NPHP4: variants seen among roughly 807,000 people sequenced by gnomAD.
NPHP4 encodes nephrocystin-4.
In NPHP4, 151 loss-of-function variants were observed where a neutral mutation model predicts 155.8. That is an observed-to-expected ratio of 0.97 (90% CI 0.85 to 1.11). The LOEUF (loss-of-function observed/expected upper bound fraction) is 1.11. Among genes scored for constraint, NPHP4 ranks in the 50% least tolerant of loss-of-function variants. The pLI is 0.00. For synonymous variants in NPHP4, 845 were observed against 816.8 expected (o/e 1.03, Z -0.59); for missense variants, 1,956 against 1,925.7 (o/e 1.02, Z -0.29).
At position 5,963,395 on chromosome 1, in the gene NPHP4, T is replaced by TA. The variant is rs1221773303; in HGVS notation, c.518-1447dup. On this transcript the variant is annotated intron_variant, in intron 5 of 29. Coordinates refer to ENST00000378156, the MANE Select transcript of NPHP4 (RefSeq NM_015102.5). ...GGGTGACGGAGATTCCATCTCAAAATAAAAAAAAAAAGAAATTGGTGAAAC... is the reference window on the plus strand; with the variant it reads ...GGGTGACGGAGATTCCATCTCAAAATAAAAAAAAAAAAGAAATTGGTGAAAC... Among the ~76,000 whole-genome samples the TA allele has an allele frequency of 3.6e-3, 514 of 142,402 alleles. 3 individuals carry two copies. Among genetic ancestry groups the TA allele is most frequent in the African/African-American group, 0.012 (466 of 38,966 alleles). The allele number at this position is 142,402 out of a possible 152,430, so 93.4% of individuals were successfully genotyped here.
chr1:5,912,543 A>G (rs1472604302), intron 11 of NPHP4, among the ~76,000 whole-genome samples: 1 of 119,096 alleles, frequency 8.4e-6, no homozygotes, highest in Non-Finnish European at 1.7e-5. Context: ...GTCTCAAAAA[A>G]AAAAAAAAAA....
chr1:5,877,413 G>T, intron 19 of NPHP4, 115 bp from the exon 20 acceptor site: 1 of 726,350 alleles, frequency 1.4e-6, no homozygotes, highest in Non-Finnish European at 2.2e-6. Flanking sequence ...CAAGAGTGCG[G>T]CTCATGCTTT....
At chr1:5,899,661 C>T (rs1644574453) in intron 16 of NPHP4, among the ~76,000 whole-genome samples, 1 of 152,148 alleles carries the variant, frequency 6.6e-6, no homozygotes, top group African/African-American at 2.4e-5. Context: ...CTATACAACT[C>T]CTAGGAGACG....
chr1:5,914,817 G>A (rs1411134760), intron 11 of NPHP4, among the ~76,000 whole-genome samples: 1 of 152,196 alleles, frequency 6.6e-6, no homozygotes, highest in African/African-American at 2.4e-5. Context: ...CATGCATGGA[G>A]GCCAACGTGT....
rs1646968679 is a variant in NPHP4, at chr1:5,944,234, C to T, written c.1119+2870G>A. Among the ~76,000 whole-genome samples the T allele has an allele frequency of 1.3e-5, 2 of 152,204 alleles. No homozygotes were observed. Among genetic ancestry groups the T allele is most frequent in the South Asian group, 2.1e-4 (1 of 4,832 alleles). On this transcript the variant is annotated intron_variant, in intron 9 of 29. Coordinates refer to ENST00000378156, the MANE Select transcript of NPHP4 (RefSeq NM_015102.5). The surrounding 1 kb of genome is among the most constrained non-coding windows in gnomAD (Gnocchi z 4.3). ...TGTTTTCAGCTGTGCTTACAGCTTC[C>T]ACCACGCAGGGTCCTCACCAAAGAC...
At position 5,944,415 on chromosome 1, in the gene NPHP4, C is replaced by A. The variant is rs187790908; in HGVS notation, c.1119+2689G>T. On this transcript the variant is annotated intron_variant, in intron 9 of 29. Transcript: ENST00000378156. The surrounding 1 kb of genome is among the most constrained non-coding windows in gnomAD (Gnocchi z 4.3). ...CCCGCCCTGGGCCTTCCAAGGAGCG[C>A]GCTGGGCTCCTCTACCACAGCCACC... Among the ~76,000 whole-genome samples, 1 of 152,220 alleles carries A rather than the reference C, an allele frequency of 6.6e-6. No individual in the cohort carries two copies. Among genetic ancestry groups the A allele is most frequent in the Non-Finnish European group, 1.5e-5 (1 of 68,036 alleles).
intron 17 of NPHP4, chr1:5,888,521 C>A: frequency 7.6e-7 from 1 of 1,314,852 alleles, no homozygotes; most frequent in South Asian, 1.2e-5. Context: ...CGCTTTGCCA[C>A]ACTCGTCTAC....
rs773690537 is a variant in NPHP4 at position 5,868,022 on chromosome 1, G to A, written c.3316-126C>T. 25 of 1,014,690 alleles carry A rather than the reference G, an allele frequency of 2.5e-5. 1 individual carries two copies. The highest frequency in any genetic ancestry group is 1.3e-4 in the African/African-American group (8 of 63,112). 62.9% of individuals were successfully genotyped at this position (1,014,690 alleles called of 1,614,324 possible). ...CCCCTCACCCTCCACTGCCATGAGC[G>A]GGGAAGGTCGGGCATCGTCAAAGGC... is the stretch of plus-strand genomic sequence containing the variant. On this transcript the variant is annotated intron_variant, in intron 23 of 29. Coordinates refer to ENST00000378156, the MANE Select transcript of NPHP4 (RefSeq NM_015102.5).
chr1:5,938,896 T>C (rs1163650786), intron 9 of NPHP4, among the ~76,000 whole-genome samples: 1 of 152,252 alleles, frequency 6.6e-6, no homozygotes, highest in Non-Finnish European at 1.5e-5. Context: ...GAGAACGATG[T>C]TAACACCACG....
chr1:5,919,319 C>A (rs1182044932), intron 11 of NPHP4, among the ~76,000 whole-genome samples: 3 of 152,136 alleles, frequency 2.0e-5, no homozygotes, highest in African/African-American at 7.2e-5. Context: ...TTTTTTTGAA[C>A]AGTTTTTTAG....
At chr1:5,924,239 G>T (rs1435227193) in intron 11 of NPHP4, among the ~76,000 whole-genome samples, 1 of 152,178 alleles carries the variant, frequency 6.6e-6, no homozygotes, top group Non-Finnish European at 1.5e-5. Context: ...TCAGCGAGCT[G>T]TGAGGCAATT....
chr1:5,978,087 A>G (rs971944952), intron 3 of NPHP4, among the ~76,000 whole-genome samples, 183 bp downstream of exon 3: 1 of 151,724 alleles, frequency 6.6e-6, no homozygotes, highest in Non-Finnish European at 1.5e-5. Flanking sequence ...TGGCTTCCAC[A>G]TAAGATTTTG....
At chr1:5,918,754 AT>A in intron 11 of NPHP4, among the ~76,000 whole-genome samples, 1 of 152,184 alleles carries the variant, frequency 6.6e-6, no homozygotes, top group Admixed American at 6.5e-5. Flanking sequence ...GAAATTGGCC[AT>A]TTTTTTTAGA....
At chr1:5,930,733 G>A (rs1557762135) in intron 10 of NPHP4, among the ~76,000 whole-genome samples, 2 of 152,186 alleles carry the variant, frequency 1.3e-5, no homozygotes, top group South Asian at 2.1e-4. Flanking sequence ...TGTAAACAAC[G>A]TGTATCCTGC....
In NPHP4 at chr1:5,887,919, C is replaced by T. The variant is rs565212346; in HGVS notation, c.2305-453G>A. ...GACTCCAGGAGGAAGACAGGCCATG[C>T]ACAGAGAGGGCAGGGGAGGCAGAGA... is the stretch of plus-strand genomic sequence containing the variant. On this transcript the variant is annotated intron_variant, in intron 17 of 29. Transcript: ENST00000378156. Among the ~76,000 whole-genome samples, 9 of 152,318 alleles carry T rather than the reference C, an allele frequency of 5.9e-5. No homozygotes were observed. The East Asian group carries it at 1.5e-3, about 26-fold the overall frequency.
At chr1:5,880,340 A>T (rs1185290957) in intron 18 of NPHP4, 101 bp from the exon 19 acceptor site, 2 of 1,223,504 alleles carry the variant, frequency 1.6e-6, no homozygotes, top group Non-Finnish European at 2.3e-6. Flanking sequence ...CAAATGGCCT[A>T]TCTACACCCT....
At chr1:5,964,923 A>ATG (rs1651106904) in intron 5 of NPHP4, among the ~76,000 whole-genome samples, 2 of 38,112 alleles carry the variant, frequency 5.2e-5, no homozygotes, top group Admixed American at 2.6e-4. Context: ...TATATTATAT[A>ATG]TATATATATA....
chr1:5,950,735 G>A (rs1647825683), intron 7 of NPHP4, among the ~76,000 whole-genome samples: 2 of 152,124 alleles, frequency 1.3e-5, no homozygotes, highest in African/African-American at 4.8e-5. Flanking sequence ...GCAGCCCCCA[G>A]CGGACCAGCC....
At chr1:5,921,051 G>A (rs1212813126) in intron 11 of NPHP4, among the ~76,000 whole-genome samples, 1 of 152,162 alleles carries the variant, frequency 6.6e-6, no homozygotes, top group Non-Finnish European at 1.5e-5. Flanking sequence ...CAGACATTAA[G>A]TAACTGCTCT....
Sources: allele counts gnomAD v4.1 joint callset (sites outside exome capture counted in the v4.1 genomes callset), GRCh38; gene constraint gnomAD v4.1.1; non-coding constraint Gnocchi (gnomAD v3.1); transcripts MANE v1.5; gene names NCBI Gene and HGNC (gene_info 2026-07-23, HGNC 2026-07-21).